Variants in DDX25 observed in about 807,000 individuals in gnomAD.
DDX25 encodes DEAD-box helicase 25.
Under a neutral mutation model 64.6 loss-of-function variants are expected in DDX25, and 70 were observed. The ratio of observed to expected loss-of-function variants is 1.08; its 90% CI spans 0.89 to 1.32. The LOEUF (loss-of-function observed/expected upper bound fraction) is 1.32, where lower values mean the gene tolerates loss of function less well. Among genes scored for constraint, DDX25 ranks in the 40% most tolerant of loss-of-function variants. The pLI, the probability that DDX25 is intolerant of heterozygous loss-of-function variation, is 0.00. For synonymous variants in DDX25, 211 were observed against 213.3 expected (o/e 0.99, Z 0.09); for missense variants, 587 against 604.4 (o/e 0.97, Z 0.30).
chr11:125,920,121 C>T (rs980166263), intron 10 of DDX25, among the ~76,000 whole-genome samples: 10 of 152,078 alleles, frequency 6.6e-5, no homozygotes, highest in Middle Eastern at 3.2e-3. Context: ...AGAAGTCTTC[C>T]GAGGCAGCCT....
At position 125,922,907 on chromosome 11, in the gene DDX25, T is replaced by C. The variant is rs2134286889; in HGVS notation, c.*26T>C. 1 of 1,580,130 alleles carries C rather than the reference T, an allele frequency of 6.3e-7. No individual in the cohort carries two copies. ...AGAAAGAACTTTATTGTTTGTGCAG[T>C]ATCCTAGTTTATGTGAGAATGTCTC... On this transcript the variant is annotated 3_prime_UTR_variant, in exon 12 of 12. Transcript: ENST00000263576.
intron 8 of DDX25, among the ~76,000 whole-genome samples, chr11:125,916,516 T>C (rs1190569110): frequency 6.6e-6 from 1 of 152,198 alleles, no homozygotes; most frequent in African/African-American, 2.4e-5. Context: ...AATGGGTACA[T>C]TTCAGTCACT....
chr11:125,912,696 T>C (rs368215791), intron 8 of DDX25, among the ~76,000 whole-genome samples: 131 of 152,270 alleles, frequency 8.6e-4, no homozygotes, highest in African/African-American at 3.1e-3. Flanking sequence ...TATAAAGGGC[T>C]GTTTTTCTTG....
At position 125,923,587 on chromosome 11, in the gene DDX25, A is replaced by G. The variant is rs1020200269; in HGVS notation, c.*706A>G. On this transcript the variant is annotated 3_prime_UTR_variant, in exon 12 of 12. Transcript: ENST00000263576. ...TAAAAGCAGTCGGGAGGGTAAAAAAAAAACCCACATACCCTATTAAAGAAG... is the reference window on the plus strand; with the variant it reads ...TAAAAGCAGTCGGGAGGGTAAAAAAGAAACCCACATACCCTATTAAAGAAG... 6.6e-6 allele frequency: 1 copy of G among 152,162 alleles called. No individual in the cohort carries two copies. The highest frequency in any genetic ancestry group is 1.5e-5 in the Non-Finnish European group (1 of 68,026). 9.4% of individuals were successfully genotyped at this position (152,162 alleles called of 1,614,324 possible).
intron 8 of DDX25, among the ~76,000 whole-genome samples, chr11:125,912,743 CT>C (rs374233170): frequency 0.011 from 1,591 of 142,042 alleles, 22 homozygotes; most frequent in African/African-American, 0.035. Context: ...ATTGCTTTTG[CT>C]TTTTTTTTTT....
At chr11:125,910,307 A>G in intron 6 of DDX25, 57 bp from the exon 7 acceptor site, 1 of 1,458,466 alleles carries the variant, frequency 6.9e-7, no homozygotes, top group Non-Finnish European at 9.5e-7. Flanking sequence ...TGCAGTTGAA[A>G]TTTGAAAGAT....
chr11:125,907,347 G>A lies in DDX25; in HGVS notation c.312-849G>A, dbSNP rs191008516. Among the ~76,000 whole-genome samples, 7 of 152,244 alleles carry A rather than the reference G, an allele frequency of 4.6e-5. No homozygotes were observed. The South Asian group carries it at 6.2e-4, about 14-fold the overall frequency. On this transcript the variant is annotated intron_variant, in intron 4 of 11. Transcript: ENST00000263576. Reference sequence around the variant, plus strand: ...GTGTTGGCCGGGCGCGGTGGCTCACGCCTGTAATCCCAGCACTTTGGGAGG... The same window carrying A: ...GTGTTGGCCGGGCGCGGTGGCTCACACCTGTAATCCCAGCACTTTGGGAGG...
rs1219198186 is a variant in DDX25, at chr11:125,928,012, TA to T, written c.*5133del. ...AAATGAAAATGGGGTGGTTAACTTCTAATTGTACCCTGTCTTAGCGTTCAGA... is the reference window on the plus strand; with the variant it reads ...AAATGAAAATGGGGTGGTTAACTTCTATTGTACCCTGTCTTAGCGTTCAGA... On this transcript the variant is annotated 3_prime_UTR_variant, in exon 12 of 12. Coordinates refer to ENST00000263576, the MANE Select transcript of DDX25 (RefSeq NM_013264.5). 5 of 152,272 alleles carry T rather than the reference TA, an allele frequency of 3.3e-5. No homozygotes were observed. Among genetic ancestry groups the T allele is most frequent in the Non-Finnish European group, 7.3e-5 (5 of 68,052 alleles). 9.4% of individuals were successfully genotyped at this position (152,272 alleles called of 1,614,324 possible). A position where few individuals can be genotyped will look rare whatever the true frequency, so the allele number is the denominator to read the frequency against.
At chr11:125,907,358 C>T (rs1944902151) in intron 4 of DDX25, among the ~76,000 whole-genome samples, 1 of 152,124 alleles carries the variant, frequency 6.6e-6, no homozygotes, top group Non-Finnish European at 1.5e-5. Flanking sequence ...CCTGTAATCC[C>T]AGCACTTTGG....
rs1172801715 is a variant in DDX25, at chr11:125,921,390, C to G, written c.1390+11C>G. ...TCCAGGACCACTTTAGTAAGTAGCA[C>G]CACCCTCACAATATGAACTACAGAC... is the stretch of plus-strand genomic sequence containing the variant. On this transcript the variant is annotated intron_variant, in intron 11 of 11. Transcript: ENST00000263576. The surrounding 1 kb of genome is among the most constrained non-coding windows in gnomAD (Gnocchi z 4.1). The G allele has an allele frequency of 6.2e-7, 1 of 1,611,796 alleles. No individual in the cohort carries two copies. Among genetic ancestry groups the G allele is most frequent in the Admixed American group, 1.7e-5 (1 of 59,848 alleles).
In DDX25 at chr11:125,928,525, A is replaced by G. The variant is rs1051368008; in HGVS notation, c.*5644A>G. 1.3e-5 allele frequency: 2 copies of G among 152,226 alleles called. No homozygotes were observed. Among genetic ancestry groups the G allele is most frequent in the African/African-American group, 4.8e-5 (2 of 41,466 alleles). The allele number at this position is 152,226 out of a possible 1,614,324, so 9.4% of individuals were successfully genotyped here. A position where few individuals can be genotyped will look rare whatever the true frequency, so the allele number is the denominator to read the frequency against. On this transcript the variant is annotated 3_prime_UTR_variant, in exon 12 of 12. Transcript: ENST00000263576. Reference sequence around the variant, plus strand: ...ACTAGAAGCACTTTAACAGCATTTAACAGATTTTGTTAGAGCTACATTGCA... The same window carrying G: ...ACTAGAAGCACTTTAACAGCATTTAGCAGATTTTGTTAGAGCTACATTGCA...
Position 125,924,548 on chromosome 11 carries a change from A to G in DDX25, c.*1667A>G, listed in dbSNP as rs1484486973. On this transcript the variant is annotated 3_prime_UTR_variant, in exon 12 of 12. Transcript: ENST00000263576. ...CCTACAGGAGAGCAGGATGTATTCA[A>G]CTGTGCCTTCTCAGCATGGACTTTG... 2.6e-5 allele frequency: 4 copies of G among 152,300 alleles called. No homozygotes were observed. Among genetic ancestry groups the G allele is most frequent in the Admixed American group, 2.6e-4 (4 of 15,288 alleles). 9.4% of individuals were successfully genotyped at this position (152,300 alleles called of 1,614,324 possible).
chr11:125,916,969 T>A lies in DDX25; in HGVS notation c.801-45T>A, dbSNP rs1190526122. The A allele has an allele frequency of 2.0e-6, 3 of 1,535,094 alleles. No individual in the cohort carries two copies. The East Asian group carries it at 7.3e-5, about 37-fold the overall frequency. On this transcript the variant is annotated intron_variant, in intron 8 of 11. Coordinates refer to ENST00000263576, the MANE Select transcript of DDX25 (RefSeq NM_013264.5). ...GTGGCATGAAGTGCTTGAAGAAGAG[T>A]GATGGGATGGCAGCTTGGTGACAGC... is the stretch of plus-strand genomic sequence containing the variant.
At chr11:125,903,860 G>T (rs185488944), upstream of DDX25, among the ~76,000 whole-genome samples, 8 of 152,276 alleles carry the variant, frequency 5.3e-5, no homozygotes, top group African/African-American at 1.9e-4. Context: ...ACGCATGTAG[G>T]ACGTAGAGGT....
Position 125,911,478 on chromosome 11 carries a change from C to T in DDX25, c.790C>T (p.Arg264Cys), listed in dbSNP as rs764678102. The T allele has an allele frequency of 1.1e-5, 17 of 1,613,540 alleles. No individual in the cohort carries two copies. Among genetic ancestry groups the T allele is most frequent in the Non-Finnish European group, 1.2e-5 (14 of 1,179,690 alleles). ...TCAAGGATTCTCAGATCATAGTATT[C>T]GTATTCAAAGGTAATCTTCAGAGTC... Reference protein sequence around the residue: ...DTQGFSDHSIRIQRALPSECQ... With the variant: ...DTQGFSDHSICIQRALPSECQ... Residue 264 changes from arginine (R) to cysteine (C), a missense_variant, in exon 8 of 12, where the codon CGT becomes TGT. Transcript: ENST00000263576.
chr11:125,907,505 G>T (rs1254529880), intron 4 of DDX25, among the ~76,000 whole-genome samples: 3 of 152,138 alleles, frequency 2.0e-5, no homozygotes, highest in Admixed American at 6.5e-5. Context: ...CTACTCGGGA[G>T]GCTGAGGCAG....
At chr11:125,911,936 CCT>C (rs1313542440) in intron 8 of DDX25, among the ~76,000 whole-genome samples, 1 of 152,186 alleles carries the variant, frequency 6.6e-6, no homozygotes, top group South Asian at 2.1e-4. Flanking sequence ...TTTTCCTAGG[CCT>C]CTCTATCAGG....
intron 10 of DDX25, chr11:125,920,917 C>T (rs113675071): frequency 3.5e-5 from 7 of 198,238 alleles, no homozygotes; most frequent in Admixed American, 1.8e-4. Context: ...CACACACACA[C>T]ATACACACAC....
At chr11:125,904,806 C>T (rs1463999449) in intron 1 of DDX25, 2 of 594,016 alleles carry the variant, frequency 3.4e-6, no homozygotes, top group Non-Finnish European at 5.9e-6. Flanking sequence ...ATGACGACCC[C>T]TGGAAATCCA....
Sources: gnomAD v4.1 joint callset for allele counts (sites outside exome capture counted in the v4.1 genomes callset) on GRCh38, gnomAD v4.1.1 for gene constraint, Gnocchi (gnomAD v3.1) non-coding constraint, MANE v1.5 for transcripts, NCBI Gene and HGNC (gene_info 2026-07-23, HGNC 2026-07-21) for gene names.